SGIP1: variants seen among roughly 807,000 people sequenced by gnomAD.
SGIP1 encodes the protein SH3-containing GRB2-like protein 3-interacting protein 1.
Under a neutral mutation model 107.5 loss-of-function variants are expected in SGIP1, and 38 were observed. That is an observed-to-expected ratio of 0.35 (90% confidence interval 0.27 to 0.46). SGIP1 has a LOEUF of 0.46. Among genes scored for constraint, SGIP1 ranks in the 20% least tolerant of loss-of-function variants. The pLI is 1.00. For synonymous variants in SGIP1, 365 were observed against 366.1 expected (o/e 1.00, Z 0.03); for missense variants, 929 against 1,019.5 (o/e 0.91, Z 1.21).
intron 7 of SGIP1, among the ~76,000 whole-genome samples, chr1:66,659,957 AG>A (rs1159120895): frequency 7.7e-4 from 22 of 28,646 alleles, no homozygotes; most frequent in African/African-American, 1.3e-3. Context: ...AGAAAAAGAA[AG>A]AAAGAAAGAA....
intron 1 of SGIP1, among the ~76,000 whole-genome samples, chr1:66,567,894 T>G (rs948058083): frequency 1.3e-5 from 2 of 152,192 alleles, no homozygotes; most frequent in Admixed American, 6.5e-5. Flanking sequence ...CCATGCTGTT[T>G]TGGTTACTGT....
chr1:66,638,152 T>C (rs1480228965), intron 4 of SGIP1, among the ~76,000 whole-genome samples: 1 of 151,900 alleles, frequency 6.6e-6, no homozygotes, highest in Admixed American at 6.6e-5. Context: ...TAAGAAGGAG[T>C]GGAGCACTTT....
intron 5 of SGIP1, among the ~76,000 whole-genome samples, chr1:66,642,544 C>T (rs1010529262): frequency 2.6e-5 from 4 of 152,166 alleles, no homozygotes; most frequent in Non-Finnish European, 5.9e-5. Context: ...CCTTGGCTTA[C>T]AGGAAATGCA....
At chr1:66,640,232 A>G (rs1234181201) in intron 5 of SGIP1, among the ~76,000 whole-genome samples, 11 of 152,220 alleles carry the variant, frequency 7.2e-5, no homozygotes, top group Non-Finnish European at 4.4e-5. Context: ...GTAGCAAAAA[A>G]GAAGTCAGTA....
chr1:66,697,170 G>A (rs1422572999), intron 18 of SGIP1, among the ~76,000 whole-genome samples: 5 of 152,236 alleles, frequency 3.3e-5, no homozygotes, highest in Admixed American at 2.6e-4. Flanking sequence ...TTTTGAGAGA[G>A]AGAGAGAGAT....
At chr1:66,595,576 G>T (rs947942030) in intron 1 of SGIP1, among the ~76,000 whole-genome samples, 13 of 152,160 alleles carry the variant, frequency 8.5e-5, no homozygotes, top group Admixed American at 4.6e-4. Context: ...AGTTATATTG[G>T]TGAACTCCTG....
chr1:66,665,242 G>A (rs187315566), intron 8 of SGIP1, among the ~76,000 whole-genome samples: 153 of 152,184 alleles, frequency 1.0e-3, no homozygotes, highest in African/African-American at 3.5e-3. Context: ...CTGTCCTTGC[G>A]ATAGTTTGCT....
Position 66,671,983 on chromosome 1 carries a change from C to T in SGIP1, c.548C>T (p.Pro183Leu). 6.2e-7 allele frequency: 1 copy of T among 1,613,998 alleles called. No homozygotes were observed. Among genetic ancestry groups the T allele is most frequent in the African/African-American group, 1.3e-5 (1 of 75,042 alleles). The change falls in exon 11 of 25, where the codon CCA becomes CTA. Residue 183 changes from proline (P) to leucine (L), a missense_variant. By Grantham distance (98) the Pro-to-Leu change is moderately conservative (BLOSUM62 -3). Transcript: ENST00000371037. ...AGACCCAGGCGTTCCACACCAACTC[C>T]AGAACTTATAAGGTGAGTGTGAAAG... is the stretch of plus-strand genomic sequence containing the variant. ...VARPRRSTPT[P>L]ELISKKPPDD...
At chr1:66,642,953 A>G in intron 6 of SGIP1, 89 bp downstream of exon 6, 1 of 1,154,720 alleles carries the variant, frequency 8.7e-7, no homozygotes, top group South Asian at 1.4e-5. Context: ...TAATAAAATA[A>G]CCGAATCTTC....
intron 1 of SGIP1, among the ~76,000 whole-genome samples, chr1:66,623,617 T>C (rs1217918072): frequency 6.6e-6 from 1 of 152,210 alleles, no homozygotes; most frequent in African/African-American, 2.4e-5. Flanking sequence ...CATATTGTGG[T>C]GTATGCCTAT....
At chr1:66,535,859 T>A (rs1375489565) in intron 1 of SGIP1, among the ~76,000 whole-genome samples, 1 of 151,966 alleles carries the variant, frequency 6.6e-6, no homozygotes, top group Non-Finnish European at 1.5e-5. Context: ...AGAAAAAATA[T>A]CTTGCCTGTA....
rs2093946486 is a variant in SGIP1 at position 66,730,231 on chromosome 1, T to C, written c.1898+812T>C. Among the ~76,000 whole-genome samples the C allele has an allele frequency of 3.3e-5, 5 of 152,288 alleles. No homozygotes were observed. In the South Asian group the frequency reaches 1.0e-3, roughly 32 times the overall value. On this transcript the variant is annotated intron_variant, in intron 20 of 24. Coordinates refer to ENST00000371037, the MANE Select transcript of SGIP1 (RefSeq NM_032291.4). ...ATCATTGTTTTGATGGAATTTTACA[T>C]GTATGACATAAAAGAAACTTATGCA...
In SGIP1 at chr1:66,687,766, T is replaced by C. The variant is rs551039083; in HGVS notation, c.1316-1382T>C. The stretch of plus-strand genomic sequence containing the variant: ...CATGTAAAGTGCTTAGCGTAGACCT[T>C]GGCCCAGTGGAGAATAAAAAGTAAG... On this transcript the variant is annotated intron_variant, in intron 15 of 24. Coordinates refer to ENST00000371037, the MANE Select transcript of SGIP1 (RefSeq NM_032291.4). Among the ~76,000 whole-genome samples the C allele has an allele frequency of 2.0e-4, 31 of 152,290 alleles. 2 individuals are homozygous for C. Among genetic ancestry groups the C allele is most frequent in the African/African-American group, 7.5e-4 (31 of 41,544 alleles).
chr1:66,605,790 T>C lies in SGIP1; in HGVS notation c.11-20057T>C, dbSNP rs778271464. 6.4e-4 allele frequency among the ~76,000 whole-genome samples: 98 copies of C among 152,294 alleles called. 2 individuals are homozygous for C. The highest frequency in any genetic ancestry group is 9.4e-4 in the Non-Finnish European group (64 of 68,022). On this transcript the variant is annotated intron_variant, in intron 1 of 24. Coordinates refer to ENST00000371037, the MANE Select transcript of SGIP1 (RefSeq NM_032291.4). ...AAGAGGATACAACGTTTTAGCATTA[T>C]TGCTCAATACCACTGATTATGTCTG...
At chr1:66,620,305 TA>T in intron 1 of SGIP1, among the ~76,000 whole-genome samples, 1 of 152,218 alleles carries the variant, frequency 6.6e-6, no homozygotes, top group East Asian at 1.9e-4. Context: ...AGGTTATTTT[TA>T]AAAAGTTTTT....
At chr1:66,633,029 G>T in intron 2 of SGIP1, 41 bp from the exon 3 acceptor site, 1 of 1,331,002 alleles carries the variant, frequency 7.5e-7, no homozygotes, top group South Asian at 1.2e-5. Context: ...TGGCAAGAAT[G>T]ATTCCTTATC....
At chr1:66,585,177 A>AT (rs561776476) in intron 1 of SGIP1, among the ~76,000 whole-genome samples, 2 of 152,082 alleles carry the variant, frequency 1.3e-5, no homozygotes, top group African/African-American at 2.4e-5. Context: ...GCCTTTCCTT[A>AT]TTAATCATTT....
At position 66,625,890 on chromosome 1, in the gene SGIP1, A is replaced by G. The variant is rs1287183785; in HGVS notation, c.54A>G (p.Lys18=). 1.2e-6 allele frequency: 2 copies of G among 1,612,780 alleles called. No individual in the cohort carries two copies. Among genetic ancestry groups the G allele is most frequent in the South Asian group, 2.2e-5 (2 of 90,910 alleles). Residue 18 remains lysine, a synonymous_variant, in exon 2 of 25, where the codon AAA becomes AAG. Coordinates refer to ENST00000371037, the MANE Select transcript of SGIP1 (RefSeq NM_032291.4). ...RTRKAFGIRK[K]EKDTDSTGSP... is the part of the protein sequence containing the mutation. ...GGAAGGCCTTTGGAATACGGAAGAAAGAAAAGGACACTGATTCTACGTATG... is the reference window on the plus strand; with the variant it reads ...GGAAGGCCTTTGGAATACGGAAGAAGGAAAAGGACACTGATTCTACGTATG...
chr1:66,563,258 T>C (rs2059205968), intron 1 of SGIP1, among the ~76,000 whole-genome samples: 1 of 151,924 alleles, frequency 6.6e-6, no homozygotes. Flanking sequence ...GGGAGGTACT[T>C]CTACTTTAAT....
Sources: allele counts gnomAD v4.1 joint callset (sites outside exome capture counted in the v4.1 genomes callset), GRCh38; gene constraint gnomAD v4.1.1; transcripts MANE v1.5; gene names NCBI Gene and HGNC (gene_info 2026-07-23, HGNC 2026-07-21).